The following STOX1 variants were observed in gnomAD, a reference collection of about 807,000 sequenced individuals.
The protein encoded by STOX1 is storkhead box 1.
A neutral mutation model predicts 74.8 loss-of-function variants in STOX1; 57 were observed. The ratio of observed to expected loss-of-function variants is 0.76; its 90% CI spans 0.62 to 0.95. STOX1 has a LOEUF of 0.95. Among genes scored for constraint, STOX1 ranks in the 40% least tolerant of loss-of-function variants. The pLI is 0.00. For missense variants in STOX1, 1,010 were observed against 1,117.0 expected (o/e 0.90, Z 1.37); for synonymous variants, 375 against 401.3 (o/e 0.93, Z 0.78).
intron 1 of STOX1, among the ~76,000 whole-genome samples, chr10:68,878,200 C>T (rs1179549040): frequency 1.3e-5 from 2 of 152,108 alleles, no homozygotes; most frequent in African/African-American, 4.8e-5. Flanking sequence ...TAACTAAGCA[C>T]ATACAGTTAT....
Position 68,886,166 on chromosome 10 carries a change from G to A in STOX1, c.2370G>A (p.Glu790=). The change falls in exon 3 of 4, where the codon GAG becomes GAA. Residue 790 remains glutamate, a synonymous_variant. Transcript: ENST00000298596. The part of the protein sequence containing the change: ...TEYNSTMERV[E]SQVLKRNECY... The stretch of plus-strand genomic sequence containing the variant: ...ACAACAGCACAATGGAGAGGGTTGA[G>A]TCTCAGGTGCTTAAAAGAAATGAAT... 2 of 1,614,206 alleles carry A rather than the reference G, an allele frequency of 1.2e-6. No individual in the cohort carries two copies. Among genetic ancestry groups the A allele is most frequent in the Non-Finnish European group, 1.7e-6 (2 of 1,180,040 alleles).
chr10:68,852,926 C>CT (rs113926996), intron 1 of STOX1, among the ~76,000 whole-genome samples: 232 of 143,878 alleles, frequency 1.6e-3, no homozygotes, highest in Non-Finnish European at 2.2e-3. Context: ...GGAAACACTT[C>CT]TTTTTTTTTT....
intron 1 of STOX1, among the ~76,000 whole-genome samples, chr10:68,867,192 G>T (rs891847118): frequency 2.6e-5 from 4 of 151,980 alleles, no homozygotes; most frequent in African/African-American, 9.7e-5. Context: ...TGATCCGCCC[G>T]CCTCAGCCTC....
intron 1 of STOX1, among the ~76,000 whole-genome samples, chr10:68,862,245 A>G (rs1018876824): frequency 6.6e-6 from 1 of 152,070 alleles, no homozygotes; most frequent in African/African-American, 2.4e-5. Context: ...GAAGAATTTC[A>G]GTAATAATAT....
chr10:68,842,053 G>A (rs1839703829), intron 1 of STOX1, among the ~76,000 whole-genome samples: 1 of 152,152 alleles, frequency 6.6e-6, no homozygotes, highest in African/African-American at 2.4e-5. Context: ...TGAAGTCCGG[G>A]CCATCTGAAG....
intron 1 of STOX1, among the ~76,000 whole-genome samples, chr10:68,856,756 T>C (rs1175742145): frequency 6.6e-6 from 1 of 152,064 alleles, no homozygotes; most frequent in East Asian, 1.9e-4. Context: ...TCCCTCTCAC[T>C]GCAAGGAGAC....
chr10:68,877,877 CT>C, intron 1 of STOX1, among the ~76,000 whole-genome samples: 1 of 152,310 alleles, frequency 6.6e-6, no homozygotes, highest in African/African-American at 2.4e-5. Flanking sequence ...GGAAGGGAAA[CT>C]TTTCCCCCCT....
intron 1 of STOX1, among the ~76,000 whole-genome samples, chr10:68,847,184 A>G (rs1405243060): frequency 6.6e-6 from 1 of 152,256 alleles, no homozygotes; most frequent in Non-Finnish European, 1.5e-5. Flanking sequence ...TAAATTCTCC[A>G]GAGGCACAGT....
chr10:68,847,599 G>A (rs1413972050), intron 1 of STOX1, among the ~76,000 whole-genome samples: 1 of 151,884 alleles, frequency 6.6e-6, no homozygotes. Flanking sequence ...TAGTAGAGAT[G>A]GGATTTCACT....
rs755804216 is a variant in STOX1, at chr10:68,885,045, G to C, written c.1249G>C (p.Gly417Arg). 2.5e-6 allele frequency: 4 copies of C among 1,614,130 alleles called. No homozygotes were observed. The highest frequency in any genetic ancestry group is 3.4e-6 in the Non-Finnish European group (4 of 1,180,018). The change falls in exon 3 of 4, where the codon GGT (glycine) becomes CGT (arginine). Residue 417 changes from glycine to arginine, a missense_variant. Coordinates refer to ENST00000298596, the MANE Select transcript of STOX1 (RefSeq NM_152709.5). ...PSKEGVKKRQ[G>R]LSAKPQGQGH... is the part of the protein sequence containing the mutation. ...AAAAGAGGGGGTTAAGAAAAGGCAGGGTCTGTCTGCAAAACCTCAAGGGCA... is the reference window on the plus strand; with the variant it reads ...AAAAGAGGGGGTTAAGAAAAGGCAGCGTCTGTCTGCAAAACCTCAAGGGCA...
chr10:68,866,113 G>A (rs972595099), intron 1 of STOX1, among the ~76,000 whole-genome samples: 1 of 151,948 alleles, frequency 6.6e-6, no homozygotes, highest in Non-Finnish European at 1.5e-5. Flanking sequence ...AATTGCTCAG[G>A]AATTAAAACT....
chr10:68,866,793 A>G (rs974747725), intron 1 of STOX1, among the ~76,000 whole-genome samples: 10 of 151,918 alleles, frequency 6.6e-5, no homozygotes, highest in South Asian at 4.2e-4. Flanking sequence ...GTGGCGGGGG[A>G]CAAGCATTGT....
chr10:68,855,753 GA>G (rs71474448), intron 1 of STOX1, among the ~76,000 whole-genome samples: 8 of 143,282 alleles, frequency 5.6e-5, no homozygotes, highest in East Asian at 2.1e-4. Flanking sequence ...CTAAAAAAAG[GA>G]AAAAAAAAAC....
Position 68,884,714 on chromosome 10 carries a change from A to T in STOX1, c.918A>T (p.Glu306Asp). The change falls in exon 3 of 4, where the codon GAA (glutamate) becomes GAT (aspartate). Residue 306 changes from glutamate to aspartate, a missense_variant. Glu to Asp is a conservative substitution (Grantham distance 45, BLOSUM62 2). Transcript: ENST00000298596. The part of the protein sequence containing the change: ...TKPLPYTRDK[E>D]KGKKFGFSLL... ...CTTTACCATACACAAGAGATAAAGA[A>T]AAAGGCAAGAAGTTTGGTTTTAGTC... 1.9e-6 allele frequency: 3 copies of T among 1,614,214 alleles called. No individual in the cohort carries two copies. Among genetic ancestry groups the T allele is most frequent in the Non-Finnish European group, 2.5e-6 (3 of 1,180,038 alleles).
chr10:68,827,637 T>C lies in STOX1; in HGVS notation c.14T>C (p.Val5Ala). 8.7e-7 allele frequency: 1 copy of C among 1,146,070 alleles called. No homozygotes were observed. The highest frequency in any genetic ancestry group is 1.1e-6 in the Non-Finnish European group (1 of 933,048). The allele number at this position is 1,146,070 out of a possible 1,614,324, so 71.0% of individuals were successfully genotyped here. A position where few individuals can be genotyped will look rare whatever the true frequency, so the allele number is the denominator to read the frequency against. Residue 5 changes from valine to alanine, a missense_variant, in exon 1 of 4, where the codon GTG becomes GCG. By Grantham distance (64) the Val-to-Ala change is moderately conservative. Transcript: ENST00000298596. MARPVQLAPGSLALV... is the reference protein window; with the variant it reads MARPAQLAPGSLALV... ...GCCGGCGAAAGCATGGCCCGGCCCG[T>C]GCAGCTGGCGCCGGGCTCGCTGGCG...
chr10:68,893,383 ATCTGGCTGTACTACTGT>A (rs1841138561), downstream of STOX1, among the ~76,000 whole-genome samples: 1 of 152,242 alleles, frequency 6.6e-6, no homozygotes, highest in African/African-American at 2.4e-5. Flanking sequence ...GGCAAGAGGC[ATCTGGCTGTACTACTGT>A]TCCTCTGGTT....
At chr10:68,875,363 T>C (rs1302614084) in intron 1 of STOX1, among the ~76,000 whole-genome samples, 1 of 152,236 alleles carries the variant, frequency 6.6e-6, no homozygotes, top group African/African-American at 2.4e-5. Context: ...GGGCCCCTGG[T>C]TGAAGATCTT....
chr10:68,837,407 A>G (rs1001171594), intron 1 of STOX1, among the ~76,000 whole-genome samples: 23 of 152,128 alleles, frequency 1.5e-4, no homozygotes, highest in Admixed American at 6.6e-5. Context: ...CGTTGGCACA[A>G]AGGGCCTGCA....
At chr10:68,856,364 C>T (rs566363524) in intron 1 of STOX1, among the ~76,000 whole-genome samples, 3 of 151,928 alleles carry the variant, frequency 2.0e-5, no homozygotes, top group Non-Finnish European at 4.4e-5. Flanking sequence ...ATGCAGGTGA[C>T]AGCATGGCGT....
Sources: allele counts gnomAD v4.1 joint callset (sites outside exome capture counted in the v4.1 genomes callset), GRCh38; gene constraint gnomAD v4.1.1; transcripts MANE v1.5; gene names NCBI Gene and HGNC (gene_info 2026-07-23, HGNC 2026-07-21).